RTKN2: variants seen among roughly 807,000 people sequenced by gnomAD.
The protein encoded by RTKN2 is rhotekin 2.
Under a neutral mutation model 71.5 loss-of-function variants are expected in RTKN2, and 69 were observed. The observed-to-expected ratio is 0.96, with a 90% CI of 0.79 to 1.18. RTKN2 has a LOEUF of 1.18. RTKN2 is among the 50% of genes most tolerant of loss of function. RTKN2 has a pLI of 0.00. For synonymous variants in RTKN2, 236 were observed against 236.5 expected (o/e 1.00, Z 0.02); for missense variants, 724 against 719.7 (o/e 1.01, Z -0.07).
chr10:62,235,269 C>T (rs899070462), intron 6 of RTKN2, among the ~76,000 whole-genome samples: 2 of 151,992 alleles, frequency 1.3e-5, no homozygotes, highest in African/African-American at 4.8e-5. Flanking sequence ...TGAATACAGA[C>T]TGGATATTAA....
intron 9 of RTKN2, among the ~76,000 whole-genome samples, chr10:62,208,481 A>G (rs1223066745): frequency 6.6e-6 from 1 of 152,206 alleles, no homozygotes; most frequent in Non-Finnish European, 1.5e-5. Flanking sequence ...GGCTTCTACT[A>G]GTCAAACATT....
At chr10:62,202,920 G>T (rs901973370) in intron 10 of RTKN2, among the ~76,000 whole-genome samples, 1 of 152,134 alleles carries the variant, frequency 6.6e-6, no homozygotes, top group African/African-American at 2.4e-5. Flanking sequence ...CAGCACTTTG[G>T]GGGGCTGAGG....
chr10:62,226,402 T>C (rs2132935665), intron 6 of RTKN2, among the ~76,000 whole-genome samples: 1 of 152,358 alleles, frequency 6.6e-6, no homozygotes, highest in Middle Eastern at 3.4e-3. Context: ...ACTACTCCCT[T>C]GGAGAATGCC....
At chr10:62,221,758 A>G (rs1469707178) in intron 7 of RTKN2, among the ~76,000 whole-genome samples, 1 of 152,178 alleles carries the variant, frequency 6.6e-6, no homozygotes, top group Non-Finnish European at 1.5e-5. Flanking sequence ...CAAATATGGA[A>G]CACACGGGTG....
intron 9 of RTKN2, among the ~76,000 whole-genome samples, chr10:62,211,510 A>G (rs1247035436): frequency 6.6e-6 from 1 of 152,228 alleles, no homozygotes; most frequent in Non-Finnish European, 1.5e-5. Context: ...TTTTCAAATA[A>G]TTTTTAAGTA....
intron 9 of RTKN2, among the ~76,000 whole-genome samples, chr10:62,211,447 G>C (rs1841656010): frequency 6.6e-6 from 1 of 152,120 alleles, no homozygotes; most frequent in Non-Finnish European, 1.5e-5. Flanking sequence ...CAGATCCTGT[G>C]ATCTAAATAA....
Position 62,268,775 on chromosome 10 carries a change from G to A in RTKN2, c.-165C>T, listed in dbSNP as rs1309031161. 16 of 676,914 alleles carry A rather than the reference G, an allele frequency of 2.4e-5. No individual in the cohort carries two copies. The highest frequency in any genetic ancestry group is 1.4e-4 in the South Asian group (7 of 50,516). 41.9% of individuals were successfully genotyped at this position (676,914 alleles called of 1,614,324 possible). ...GCCGGGCCGAAGCGCACGCGCAGTG[G>A]GCGCGCCTTGCGCTCTGCAGCTCCC... On this transcript the variant is annotated 5_prime_UTR_variant, in exon 1 of 12. Coordinates refer to ENST00000373789, the MANE Select transcript of RTKN2 (RefSeq NM_145307.4).
At chr10:62,230,673 T>G (rs188685917) in intron 6 of RTKN2, among the ~76,000 whole-genome samples, 31 of 152,318 alleles carry the variant, frequency 2.0e-4, no homozygotes, top group Non-Finnish European at 4.0e-4. Flanking sequence ...TTCCACATTT[T>G]CAGATGAAGA....
intron 8 of RTKN2, among the ~76,000 whole-genome samples, chr10:62,187,578 AAAATC>A (rs979740335): frequency 1.4e-4 from 21 of 152,352 alleles, no homozygotes; most frequent in African/African-American, 4.8e-4. Flanking sequence ...CTAGGCAAGA[AAAATC>A]AAGTCAATAG....
chr10:62,222,332 A>T (rs1841927543), intron 7 of RTKN2, among the ~76,000 whole-genome samples: 1 of 151,918 alleles, frequency 6.6e-6, no homozygotes, highest in East Asian at 1.9e-4. Flanking sequence ...GGCAGGTCTC[A>T]AACTCCTGGG....
rs1045854145 is a variant in RTKN2 at position 62,194,663 on chromosome 10, C to A, written c.*3245G>T. On this transcript the variant is annotated 3_prime_UTR_variant, in exon 12 of 12. Coordinates refer to ENST00000373789, the MANE Select transcript of RTKN2 (RefSeq NM_145307.4). ...GGCATTTAACATAAATTGCACCAAA[C>A]TGCCCTATAATTTCATTTTGGACTG... is the stretch of plus-strand genomic sequence containing the variant. 18 of 985,254 alleles carry A rather than the reference C, an allele frequency of 1.8e-5. No homozygotes were observed. Among genetic ancestry groups the A allele is most frequent in the Non-Finnish European group, 2.0e-5 (17 of 829,896 alleles). 61.0% of individuals were successfully genotyped at this position (985,254 alleles called of 1,614,324 possible). A position where few individuals can be genotyped will look rare whatever the true frequency, so the allele number is the denominator to read the frequency against.
At chr10:62,212,828 C>T (rs1442095781) in intron 9 of RTKN2, among the ~76,000 whole-genome samples, 1 of 152,132 alleles carries the variant, frequency 6.6e-6, no homozygotes, top group Non-Finnish European at 1.5e-5. Flanking sequence ...ATTTAAAACA[C>T]TGAATAGATA....
At chr10:62,233,680 C>T (rs1842197808) in intron 6 of RTKN2, among the ~76,000 whole-genome samples, 1 of 152,064 alleles carries the variant, frequency 6.6e-6, no homozygotes, top group African/African-American at 2.4e-5. Context: ...CATAACTGTG[C>T]ACTCAGTCAC....
chr10:62,227,856 A>C (rs969346002), intron 6 of RTKN2, among the ~76,000 whole-genome samples: 2 of 152,156 alleles, frequency 1.3e-5, no homozygotes, highest in Non-Finnish European at 2.9e-5. Flanking sequence ...TATATTCTCT[A>C]AGTTTCAGTG....
chr10:62,216,554 A>T lies in RTKN2; in HGVS notation c.1020+564T>A, dbSNP rs10740064. 2.7e-4 allele frequency among the ~76,000 whole-genome samples: 41 copies of T among 151,976 alleles called. No individual in the cohort carries two copies. In the East Asian group the frequency reaches 7.5e-3, roughly 28 times the overall value. The stretch of plus-strand genomic sequence containing the variant: ...GATGAAAAAATTGTAGCTAGATTTC[A>T]ATAGTCTCCTTTGTAACAAACCAGT... On this transcript the variant is annotated intron_variant, in intron 9 of 11. Transcript: ENST00000373789.
intron 2 of RTKN2, among the ~76,000 whole-genome samples, chr10:62,248,486 G>A (rs982884186): frequency 6.6e-6 from 1 of 152,052 alleles, no homozygotes; most frequent in Non-Finnish European, 1.5e-5. Context: ...AATTCTGAAT[G>A]CTAGAATTAG....
intron 5 of RTKN2, 48 bp downstream of exon 5, chr10:62,239,597 AAAG>A (rs1396905450): frequency 1.7e-5 from 15 of 859,956 alleles, no homozygotes; most frequent in Middle Eastern, 3.5e-4. Flanking sequence ...TTCTTTTAAA[AAAG>A]AAGAATTTTA....
Position 62,198,243 on chromosome 10 carries a change from CT to C in RTKN2, c.1494del (p.Lys501ArgfsTer16), listed in dbSNP as rs1279293539. 1.4e-5 allele frequency: 22 copies of C among 1,613,710 alleles called. No individual in the cohort carries two copies. The highest frequency in any genetic ancestry group is 1.6e-5 in the Non-Finnish European group (19 of 1,179,916). The stretch of plus-strand genomic sequence containing the variant: ...GGAAGGGGAGCTTGTCTCTTTTTCC[CT>C]TTTTCATCATGTAATGGCTCACTTG... Reference protein sequence around the residue: ...YPASEPLHDEKGKKRQAPLPP... With the variant: ...YPASEPLHDEXGKKRQAPLPP... On this transcript the variant is annotated frameshift_variant, in exon 12 of 12. Coordinates refer to ENST00000373789, the MANE Select transcript of RTKN2 (RefSeq NM_145307.4). LOFTEE classifies it high-confidence loss of function.
chr10:62,195,901 C>A lies in RTKN2; in HGVS notation c.*2007G>T, dbSNP rs2132781663. 3.0e-6 allele frequency: 3 copies of A among 985,152 alleles called. No homozygotes were observed. Among genetic ancestry groups the A allele is most frequent in the Non-Finnish European group, 2.4e-6 (2 of 829,754 alleles). 61.0% of individuals were successfully genotyped at this position (985,152 alleles called of 1,614,324 possible). ...GTTTCAAAGTTCTACTCTGAGGGCA[C>A]AACTGCTAGGTAATTTCTGTATGAA... On this transcript the variant is annotated 3_prime_UTR_variant, in exon 12 of 12. Coordinates refer to ENST00000373789, the MANE Select transcript of RTKN2 (RefSeq NM_145307.4).
Sources: gnomAD v4.1 joint callset for allele counts (sites outside exome capture counted in the v4.1 genomes callset) on GRCh38, gnomAD v4.1.1 for gene constraint, MANE v1.5 for transcripts, NCBI Gene and HGNC (gene_info 2026-07-23, HGNC 2026-07-21) for gene names.